Variants in CDYL2 observed in about 807,000 individuals in gnomAD.
CDYL2 encodes the protein chromodomain Y-like protein 2.
In CDYL2, 23 loss-of-function variants were observed where a neutral mutation model predicts 49.4. The ratio of observed to expected loss-of-function variants is 0.47; its 90% CI spans 0.34 to 0.66. The LOEUF is 0.66. CDYL2 is among the 30% of genes least tolerant of loss of function. The probability of loss-of-function intolerance (pLI) is 0.01; values close to 1 mark genes in which losing one functional copy is unlikely to be tolerated. For synonymous variants in CDYL2, 360 were observed against 268.8 expected (o/e 1.34, Z -3.32); for missense variants, 678 against 656.4 (o/e 1.03, Z -0.36).
chr16:80,709,744 T>A (rs1259148040), intron 1 of CDYL2, among the ~76,000 whole-genome samples: 1 of 152,156 alleles, frequency 6.6e-6, no homozygotes, highest in East Asian at 1.9e-4. Flanking sequence ...ACTTTCAGTC[T>A]TTTTTAAGGT....
rs1910106737 is a variant in CDYL2, at chr16:80,684,659, C to G, written c.495G>C (p.Lys165Asn). 2 of 1,614,082 alleles carry G rather than the reference C, an allele frequency of 1.2e-6. No homozygotes were observed. Among genetic ancestry groups the G allele is most frequent in the African/African-American group, 2.7e-5 (2 of 74,934 alleles). The change falls in exon 2 of 7, where the codon AAG (lysine) becomes AAC (asparagine). Residue 165 changes from lysine (K) to asparagine (N), a missense_variant. Around this residue, in one of 3 missense-constraint regions of CDYL2, gnomAD observed 478 missense variants for 427.0 expected, o/e 1.12. Transcript: ENST00000570137. ...ACCCATTTCCAAAGTGCCTCTCATC[C>G]TTCTCAGAGCCGGCGTCCCCATTTT... Reference protein sequence around the residue: ...GMENGDAGSEKDERHFGNGSH... With the variant: ...GMENGDAGSENDERHFGNGSH...
At chr16:80,748,354 A>C (rs972595206) in intron 1 of CDYL2, among the ~76,000 whole-genome samples, 1 of 149,024 alleles carries the variant, frequency 6.7e-6, no homozygotes, top group Non-Finnish European at 1.5e-5. Flanking sequence ...GTGAAACCCC[A>C]TCTCTACTAA....
Position 80,620,874 on chromosome 16 carries a change from A to G in CDYL2, c.896T>C (p.Leu299Pro). The G allele has an allele frequency of 6.2e-7, 1 of 1,611,834 alleles. No homozygotes were observed. Among genetic ancestry groups the G allele is most frequent in the Non-Finnish European group, 8.5e-7 (1 of 1,178,284 alleles). ...GAACACGCTCCCCACTGCGCTGAGG[A>G]GCAGCAGTTTGCTGTCGTCTGTGGC... ...NAATDDSKLL[L>P]LSAVGSVFCS... The change falls in exon 4 of 7, where the codon CTC becomes CCC. Residue 299 changes from leucine (L) to proline (P), a missense_variant. Physicochemically the swap from Leu to Pro is moderately conservative, Grantham distance 98. This residue lies in a region of CDYL2 where 478 missense variants were observed against 427.0 expected (regional missense o/e 1.12). Coordinates refer to ENST00000570137, the MANE Select transcript of CDYL2 (RefSeq NM_152342.4).
At chr16:80,764,836 G>T (rs1213738216) in intron 1 of CDYL2, among the ~76,000 whole-genome samples, 1 of 151,904 alleles carries the variant, frequency 6.6e-6, no homozygotes, top group Non-Finnish European at 1.5e-5. Context: ...CGAGGCAGGT[G>T]GATCACGAGG....
intron 1 of CDYL2, among the ~76,000 whole-genome samples, chr16:80,749,789 A>G (rs1038320752): frequency 3.3e-5 from 5 of 152,174 alleles, no homozygotes; most frequent in Admixed American, 6.5e-5. Context: ...ATGCACACAT[A>G]TGTTTATTGT....
intron 2 of CDYL2, among the ~76,000 whole-genome samples, chr16:80,656,267 G>T (rs142374893): frequency 6.6e-6 from 1 of 152,364 alleles, no homozygotes; most frequent in Non-Finnish European, 1.5e-5. Flanking sequence ...TAATTGGTGA[G>T]TGTCCCTAAT....
chr16:80,649,753 G>A (rs1908505594), intron 2 of CDYL2, among the ~76,000 whole-genome samples: 1 of 152,072 alleles, frequency 6.6e-6, no homozygotes, highest in African/African-American at 2.4e-5. Context: ...GCACGGTACT[G>A]GCATAAAAAC....
chr16:80,634,612 G>C lies in CDYL2; in HGVS notation c.617-1376C>G, dbSNP rs916618774. On this transcript the variant is annotated intron_variant, in intron 2 of 6. Coordinates refer to ENST00000570137, the MANE Select transcript of CDYL2 (RefSeq NM_152342.4). The stretch of plus-strand genomic sequence containing the variant: ...TATACATATGTAACCTGCACATTGT[G>C]CACATGTACCCTAGAACTTAAAGTA... 2.6e-5 allele frequency among the ~76,000 whole-genome samples: 4 copies of C among 152,050 alleles called. No homozygotes were observed. In the East Asian group the frequency reaches 7.7e-4, roughly 29 times the overall value.
rs544705394 is a variant in CDYL2 at position 80,782,878 on chromosome 16, C to T, written c.24+21272G>A. Among the ~76,000 whole-genome samples, 18 of 151,746 alleles carry T rather than the reference C, an allele frequency of 1.2e-4. No homozygotes were observed. In the East Asian group the frequency reaches 1.7e-3, roughly 15 times the overall value. ...ACATCATAAAAGATAATTAAGAAAA[C>T]GCACAGCTAACACCATATTCAGGTA... On this transcript the variant is annotated intron_variant, in intron 1 of 6. Transcript: ENST00000570137.
chr16:80,663,547 T>C (rs1015003083), intron 2 of CDYL2, among the ~76,000 whole-genome samples: 2 of 152,166 alleles, frequency 1.3e-5, no homozygotes, highest in Admixed American at 1.3e-4. Flanking sequence ...AATCACTACA[T>C]CCAACACCTC....
At chr16:80,609,311 C>G (rs1419075174) in intron 5 of CDYL2, among the ~76,000 whole-genome samples, 2 of 152,194 alleles carry the variant, frequency 1.3e-5, no homozygotes, top group Non-Finnish European at 2.9e-5. Context: ...TCCCCACCTG[C>G]TCTTCTCTCC....
chr16:80,654,961 C>G (rs138049377), intron 2 of CDYL2, among the ~76,000 whole-genome samples: 101 of 152,332 alleles, frequency 6.6e-4, no homozygotes, highest in African/African-American at 2.4e-3. Flanking sequence ...GAAGGCCTTC[C>G]TAATCAGACA....
At chr16:80,631,966 G>A (rs1907584607) in intron 3 of CDYL2, among the ~76,000 whole-genome samples, 1 of 152,124 alleles carries the variant, frequency 6.6e-6, no homozygotes, top group Admixed American at 6.5e-5. Flanking sequence ...GACCCACTGT[G>A]GAAAACAGTT....
At chr16:80,772,398 A>T (rs1906935567) in intron 1 of CDYL2, among the ~76,000 whole-genome samples, 1 of 152,218 alleles carries the variant, frequency 6.6e-6, no homozygotes, top group Non-Finnish European at 1.5e-5. Context: ...AATGTGGATA[A>T]ACTGGATTCA....
intron 2 of CDYL2, among the ~76,000 whole-genome samples, chr16:80,682,527 T>C (rs954510639): frequency 4.6e-5 from 7 of 152,198 alleles, no homozygotes; most frequent in East Asian, 1.9e-4. Context: ...CACACCCTCA[T>C]GTAGACCCCT....
intron 1 of CDYL2, among the ~76,000 whole-genome samples, chr16:80,727,256 A>G (rs1158925844): frequency 6.6e-6 from 1 of 152,214 alleles, no homozygotes; most frequent in Non-Finnish European, 1.5e-5. Flanking sequence ...TGCCCGAGCC[A>G]AAGCAGGGCG....
At chr16:80,643,382 G>A (rs1908188965) in intron 2 of CDYL2, among the ~76,000 whole-genome samples, 1 of 152,196 alleles carries the variant, frequency 6.6e-6, no homozygotes, top group Non-Finnish European at 1.5e-5. Flanking sequence ...AACTTTTCCA[G>A]GTGCCCAGCA....
In CDYL2 at chr16:80,685,941, C is replaced by G. The variant is rs556085264; in HGVS notation, c.25-812G>C. Among the ~76,000 whole-genome samples, 6 of 152,346 alleles carry G rather than the reference C, an allele frequency of 3.9e-5. No individual in the cohort carries two copies. In the South Asian group the frequency reaches 1.2e-3, roughly 32 times the overall value. ...AGCTCTCCCCACACAGCTCCCCCAGCTGCAACACAGAGGCACAGCTAGGAG... is the reference window on the plus strand; with the variant it reads ...AGCTCTCCCCACACAGCTCCCCCAGGTGCAACACAGAGGCACAGCTAGGAG... On this transcript the variant is annotated intron_variant, in intron 1 of 6. Transcript: ENST00000570137.
At chr16:80,669,169 G>A (rs1355809488) in intron 2 of CDYL2, among the ~76,000 whole-genome samples, 3 of 151,890 alleles carry the variant, frequency 2.0e-5, no homozygotes, top group Non-Finnish European at 4.4e-5. Flanking sequence ...AAAAGTAAAG[G>A]AGAAGAGTCA....
Sources: allele counts gnomAD v4.1 joint callset (sites outside exome capture counted in the v4.1 genomes callset), GRCh38; gene constraint gnomAD v4.1.1; regional missense constraint gnomAD v4.1.1; transcripts MANE v1.5; gene names NCBI Gene and HGNC (gene_info 2026-07-23, HGNC 2026-07-21).